The following CD163L1 variants were observed in gnomAD, a reference collection of about 807,000 sequenced individuals.
The protein encoded by CD163L1 is scavenger receptor cysteine-rich type 1 protein M160.
A neutral mutation model predicts 165.4 loss-of-function variants in CD163L1; 124 were observed. That is an observed-to-expected ratio of 0.75 (90% CI 0.65 to 0.87). The LOEUF (loss-of-function observed/expected upper bound fraction) is 0.87, where lower values mean the gene tolerates loss of function less well. Among genes scored for constraint, CD163L1 ranks in the 40% least tolerant of loss-of-function variants. CD163L1 has a pLI of 0.00. For missense variants in CD163L1, 1,525 were observed against 1,799.9 expected, an observed-to-expected ratio of 0.85 and a Z score of 2.76; for synonymous variants, 585 against 662.2, an observed-to-expected ratio of 0.88 and a Z score of 1.79.
Position 7,374,968 on chromosome 12 carries a change from C to T in CD163L1, c.3002-45G>A, listed in dbSNP as rs367551962. 55 of 1,544,616 alleles carry T rather than the reference C, an allele frequency of 3.6e-5. No individual in the cohort carries two copies. The highest frequency in any genetic ancestry group is 4.9e-5 in the Non-Finnish European group (55 of 1,117,052). ...ATGGGGCAAAAGTAAGACCAAAATA[C>T]ATGGAAAAGGTTGAAGAGTTCTGTA... On this transcript the variant is annotated intron_variant, in intron 11 of 19. Coordinates refer to ENST00000313599, the MANE Select transcript of CD163L1 (RefSeq NM_174941.6). The surrounding 1 kb of genome is among the most constrained non-coding windows in gnomAD (Gnocchi z 5.4).
In CD163L1 at chr12:7,378,396, A is replaced by G. The variant is rs117688807; in HGVS notation, c.2371+582T>C. ...CTGCAGCCAGAGTGCTGTCTTTGAA[A>G]TGCAAGTTGTATCATGCTTACAACC... On this transcript the variant is annotated intron_variant, in intron 9 of 19. Coordinates refer to ENST00000313599, the MANE Select transcript of CD163L1 (RefSeq NM_174941.6). 1.2e-3 allele frequency among the ~76,000 whole-genome samples: 183 copies of G among 152,268 alleles called. 3 individuals carry two copies. In the East Asian group the frequency reaches 0.032, roughly 27 times the overall value.
intron 8 of CD163L1, among the ~76,000 whole-genome samples, chr12:7,384,690 A>C (rs937166195): frequency 6.6e-6 from 1 of 152,130 alleles, no homozygotes; most frequent in African/African-American, 2.4e-5. Context: ...TATAATACCC[A>C]GCAAAGTTAC....
chr12:7,340,531 A>C, the CD163L1 span, among the ~76,000 whole-genome samples: 1 of 152,188 alleles, frequency 6.6e-6, no homozygotes, highest in Admixed American at 6.5e-5. Context: ...TGTAACTCCC[A>C]GTTGTTTGTA....
At chr12:7,345,450 A>C (rs1946663434), downstream of CD163L1, among the ~76,000 whole-genome samples, 1 of 152,192 alleles carries the variant, frequency 6.6e-6, no homozygotes, top group Non-Finnish European at 1.5e-5. Flanking sequence ...CCTCAATTTC[A>C]TTTGAGACTT....
chr12:7,354,746 C>T (rs1441669961), downstream of CD163L1, among the ~76,000 whole-genome samples: 2 of 152,140 alleles, frequency 1.3e-5, no homozygotes, highest in Non-Finnish European at 2.9e-5. Context: ...AGACTGCTGA[C>T]TTCCCACTGT....
At chr12:7,357,559 A>G (rs1003795395) in intron 18 of CD163L1, 73 bp from the exon 19 acceptor site, 1 of 1,269,374 alleles carries the variant, frequency 7.9e-7, no homozygotes, top group African/African-American at 1.5e-5. Context: ...TGTTAAGTGC[A>G]GTGTTTGATC....
rs1485435019 is a variant in CD163L1 at position 7,369,398 on chromosome 12, C to G, written c.3998G>C (p.Ser1333Thr). The G allele has an allele frequency of 1.9e-6, 3 of 1,614,038 alleles. No individual in the cohort carries two copies. In the East Asian group the frequency reaches 6.7e-5, roughly 36 times the overall value. The change falls in exon 15 of 20, where the codon AGT (serine) becomes ACT (threonine). Residue 1333 changes from serine (S) to threonine (T), a missense_variant. Physicochemically the swap from Ser to Thr is moderately conservative, Grantham distance 58 (BLOSUM62 1). Coordinates refer to ENST00000313599, the MANE Select transcript of CD163L1 (RefSeq NM_174941.6). This position sits in a 1 kb window ranked among gnomAD's most constrained non-coding sequence, Gnocchi z 4.9. ...AGCATCTTCCTTGTGTCCACAGTCA[C>G]TCTGTCCCCAGGGTTTGGCGTGACA... is the stretch of plus-strand genomic sequence containing the variant. ...WDCHAKPWGQ[S>T]DCGHKEDAGV...
In CD163L1 at chr12:7,355,059, C is replaced by T. The variant is rs150576723; in HGVS notation, c.*96G>A. ...AGAAATGTTATTTGGACAAGTTTTC[C>T]ATAGGGCAACTTGACTTCCTCTTTA... On this transcript the variant is annotated 3_prime_UTR_variant, in exon 20 of 20. Coordinates refer to ENST00000313599, the MANE Select transcript of CD163L1 (RefSeq NM_174941.6). 5.3e-5 allele frequency: 8 copies of T among 152,230 alleles called. No individual in the cohort carries two copies. In the East Asian group the frequency reaches 1.5e-3, roughly 29 times the overall value. 9.4% of individuals were successfully genotyped at this position (152,230 alleles called of 1,614,324 possible).
rs775958148 is a variant in CD163L1 at position 7,347,561 on chromosome 12, C to T, written c.*25-414G>A. Among the ~76,000 whole-genome samples, 1 of 151,982 alleles carries T rather than the reference C, an allele frequency of 6.6e-6. No individual in the cohort carries two copies. Among genetic ancestry groups the T allele is most frequent in the Non-Finnish European group, 1.5e-5 (1 of 67,972 alleles). ...TTGGGAGGCCGAGGCAGGTGGATCA[C>T]GAGGTCAGGAGATCGAGACCACGTT... On this transcript the variant is annotated intron_variant, in intron 4 of 4. Transcript: ENST00000539726. This position sits in a 1 kb window ranked among gnomAD's most constrained non-coding sequence, Gnocchi z 4.2.
intron 2 of CD163L1, chr12:7,440,140 C>G (rs942221985): frequency 1.5e-5 from 10 of 671,862 alleles, no homozygotes; most frequent in African/African-American, 5.3e-5. Context: ...GTGGCCACGT[C>G]CCGCTCAGGC....
intron 18 of CD163L1, among the ~76,000 whole-genome samples, chr12:7,362,968 A>AT (rs975909565): frequency 7.2e-5 from 11 of 151,906 alleles, no homozygotes. Flanking sequence ...AAATTAAGAG[A>AT]TTTTTTAAAA....
chr12:7,407,670 TATAC>T (rs1378526917), intron 4 of CD163L1, among the ~76,000 whole-genome samples: 1 of 151,474 alleles, frequency 6.6e-6, no homozygotes, highest in African/African-American at 2.4e-5. Context: ...CACATATATA[TATAC>T]ACACACATAT....
At chr12:7,330,462 T>C in the CD163L1 span, among the ~76,000 whole-genome samples, 1 of 152,194 alleles carries the variant, frequency 6.6e-6, no homozygotes, top group Non-Finnish European at 1.5e-5. Context: ...GAACAGTCCT[T>C]GAAAAAGCTT....
At chr12:7,407,133 T>C (rs764073784) in intron 4 of CD163L1, among the ~76,000 whole-genome samples, 6 of 152,056 alleles carry the variant, frequency 3.9e-5, no homozygotes, top group Non-Finnish European at 5.9e-5. Flanking sequence ...TCACAATAAA[T>C]CAATCAAAGG....
intron 4 of CD163L1, among the ~76,000 whole-genome samples, chr12:7,415,128 A>G (rs1346591963): frequency 6.6e-6 from 1 of 152,214 alleles, no homozygotes. Context: ...CTACAGTTAC[A>G]GTAATTTGTT....
chr12:7,428,599 C>T (rs1223330508), intron 4 of CD163L1, among the ~76,000 whole-genome samples: 1 of 151,980 alleles, frequency 6.6e-6, no homozygotes, highest in African/African-American at 2.4e-5. Flanking sequence ...ACTAAAGCCC[C>T]GTTCCTCACT....
intron 8 of CD163L1, among the ~76,000 whole-genome samples, chr12:7,381,359 A>C (rs1217505679): frequency 6.6e-6 from 1 of 152,182 alleles, no homozygotes; most frequent in Non-Finnish European, 1.5e-5. Context: ...GCCACTTATA[A>C]AACAGCTGAA....
Position 7,433,847 on chromosome 12 carries a change from G to C in CD163L1, c.125-153C>G, listed in dbSNP as rs187361297. Among the ~76,000 whole-genome samples, 13 of 152,288 alleles carry C rather than the reference G, an allele frequency of 8.5e-5. No individual in the cohort carries two copies. In the East Asian group the frequency reaches 2.5e-3, roughly 29 times the overall value. ...ATAAAAATGAGAAAATTTGAAGTGA[G>C]AAGCTTTAATTTTTCATGATAGGGA... is the stretch of plus-strand genomic sequence containing the variant. On this transcript the variant is annotated intron_variant, in intron 2 of 19. Transcript: ENST00000313599.
intron 14 of CD163L1, 23 bp downstream of exon 14, chr12:7,373,297 C>G: frequency 6.4e-7 from 1 of 1,566,850 alleles, no homozygotes; most frequent in Admixed American, 1.8e-5. Context: ...TCAGTGACAG[C>G]TGGTGTTTAG....
Sources: gnomAD v4.1 joint callset for allele counts (sites outside exome capture counted in the v4.1 genomes callset) on GRCh38, gnomAD v4.1.1 for gene constraint, Gnocchi (gnomAD v3.1) non-coding constraint, MANE v1.5 for transcripts, NCBI Gene and HGNC (gene_info 2026-07-23, HGNC 2026-07-21) for gene names.